Variants in C10orf88 observed in about 807,000 individuals in gnomAD.
The protein encoded by C10orf88 is chromosome 10 open reading frame 88.
A neutral mutation model predicts 34.2 loss-of-function variants in C10orf88; 29 were observed. That is an observed-to-expected ratio of 0.85 (90% confidence interval 0.63 to 1.16). C10orf88 has a LOEUF of 1.16. Among genes scored for constraint, C10orf88 ranks in the 50% most tolerant of loss-of-function variants. The pLI is 0.00. For missense variants in C10orf88, 507 were observed against 533.2 expected, an observed-to-expected ratio of 0.95 and a Z score of 0.48; for synonymous variants, 194 against 197.4, an observed-to-expected ratio of 0.98 and a Z score of 0.15.
At position 122,934,291 on chromosome 10, in the gene C10orf88, C is replaced by CT. The variant is rs374326912; in HGVS notation, c.1104-1631dup. On this transcript the variant is annotated intron_variant, in intron 5 of 5. Transcript: ENST00000481909. ...ACCATAATCAAAAGGCAGAACCATT[C>CT]TTTAACTGCAATGATCTCCTCCCTG... is the stretch of plus-strand genomic sequence containing the variant. Among the ~76,000 whole-genome samples the CT allele has an allele frequency of 2.8e-3, 430 of 152,284 alleles. 2 individuals are homozygous for CT. Among genetic ancestry groups the CT allele is most frequent in the African/African-American group, 9.7e-3 (404 of 41,572 alleles).
chr10:122,946,453 C>T (rs868551634), intron 4 of C10orf88, among the ~76,000 whole-genome samples: 2 of 152,084 alleles, frequency 1.3e-5, no homozygotes, highest in Admixed American at 6.6e-5. Context: ...ACGTAGTAGG[C>T]TATATGATCT....
intron 3 of C10orf88, among the ~76,000 whole-genome samples, chr10:122,950,045 A>G (rs893770728): frequency 3.3e-5 from 5 of 152,216 alleles, no homozygotes; most frequent in Non-Finnish European, 7.3e-5. Context: ...CATATTTCTG[A>G]AACGAGACAT....
intron 4 of C10orf88, among the ~76,000 whole-genome samples, chr10:122,940,760 T>C (rs1848574168): frequency 6.6e-6 from 1 of 152,050 alleles, no homozygotes; most frequent in African/African-American, 2.4e-5. Context: ...TTAAAAATTT[T>C]GAAGAAACTT....
intron 4 of C10orf88, among the ~76,000 whole-genome samples, chr10:122,944,465 T>C (rs560483224): frequency 4.6e-5 from 7 of 152,004 alleles, no homozygotes; most frequent in Admixed American, 1.3e-4. Context: ...GCATGGCACA[T>C]GTATACATAT....
In C10orf88 at chr10:122,948,728, T is replaced by C. The variant is rs1305469362; in HGVS notation, c.569A>G (p.Gln190Arg). Residue 190 changes from glutamine (Q) to arginine (R), a missense_variant, in exon 4 of 6, where the codon CAA becomes CGA. Transcript: ENST00000481909. ...LGSRIDLDKV[Q>R]TIMESMGSKL... is the part of the protein sequence containing the mutation. ...TGACCCCATGGACTCCATTATGGTT[T>C]GGACCTTGTCAAGGTCTATCCTTGA... is the stretch of plus-strand genomic sequence containing the variant. 6.2e-7 allele frequency: 1 copy of C among 1,614,038 alleles called. No individual in the cohort carries two copies. The highest frequency in any genetic ancestry group is 1.7e-5 in the Admixed American group (1 of 60,004).
At chr10:122,952,747 G>T in intron 2 of C10orf88, 82 bp downstream of exon 2, 1 of 1,521,430 alleles carries the variant, frequency 6.6e-7, no homozygotes, top group East Asian at 2.3e-5. Flanking sequence ...ATCAATATCA[G>T]AGAATCAATA....
intron 4 of C10orf88, among the ~76,000 whole-genome samples, chr10:122,938,549 A>G (rs1350470122): frequency 6.6e-6 from 1 of 152,076 alleles, no homozygotes. Context: ...CTGAGTCACA[A>G]GAACCGGTAA....
intron 5 of C10orf88, among the ~76,000 whole-genome samples, chr10:122,935,682 G>A (rs1848528512): frequency 6.6e-6 from 1 of 151,570 alleles, no homozygotes; most frequent in African/African-American, 2.4e-5. Context: ...TTTTTCATAG[G>A]AATTACATTA....
intron 4 of C10orf88, among the ~76,000 whole-genome samples, chr10:122,938,705 A>G (rs1432480847): frequency 6.6e-6 from 1 of 152,002 alleles, no homozygotes; most frequent in Non-Finnish European, 1.5e-5. Context: ...CTATGGGTAC[A>G]TTTGTGACAT....
At chr10:122,937,643 T>C in intron 5 of C10orf88, 62 bp downstream of exon 5, 2 of 1,395,074 alleles carry the variant, frequency 1.4e-6, no homozygotes, top group Middle Eastern at 3.7e-4. Flanking sequence ...CAAATCTGTT[T>C]CCTTTCATCT....
chr10:122,948,315 C>G (rs1371109362), intron 4 of C10orf88, among the ~76,000 whole-genome samples: 1 of 152,098 alleles, frequency 6.6e-6, no homozygotes, highest in Non-Finnish European at 1.5e-5. Context: ...GTGTTTTCAT[C>G]ATTCCCCACT....
intron 4 of C10orf88, among the ~76,000 whole-genome samples, chr10:122,940,924 T>C (rs1848575309): frequency 6.6e-6 from 1 of 152,070 alleles, no homozygotes; most frequent in African/African-American, 2.4e-5. Context: ...AAGATATGTG[T>C]ATGTGTATAT....
chr10:122,953,900 G>T, intron 1 of C10orf88, 115 bp downstream of exon 1: 2 of 979,262 alleles, frequency 2.0e-6, no homozygotes, highest in Non-Finnish European at 2.6e-6. Flanking sequence ...TAGAGACCTG[G>T]TACCAACTGC....
chr10:122,951,562 A>T (rs1031522743), intron 3 of C10orf88, among the ~76,000 whole-genome samples: 6 of 141,524 alleles, frequency 4.2e-5, no homozygotes, highest in Admixed American at 7.1e-5. Context: ...TGAAAAATTT[A>T]AAAAAAAAAA....
At chr10:122,933,826 A>G (rs1314609588) in intron 5 of C10orf88, among the ~76,000 whole-genome samples, 1 of 152,242 alleles carries the variant, frequency 6.6e-6, no homozygotes, top group African/African-American at 2.4e-5. Flanking sequence ...GCCAAAAGCT[A>G]TTATGTATAG....
chr10:122,935,413 C>A (rs1307219165), intron 5 of C10orf88, among the ~76,000 whole-genome samples: 1 of 151,906 alleles, frequency 6.6e-6, no homozygotes, highest in African/African-American at 2.4e-5. Flanking sequence ...ACAATTCTAC[C>A]TGTATTGAAT....
intron 4 of C10orf88, among the ~76,000 whole-genome samples, chr10:122,942,468 T>C (rs967754388): frequency 4.6e-5 from 7 of 152,154 alleles, no homozygotes; most frequent in East Asian, 1.9e-4. Flanking sequence ...TGGCACAAGA[T>C]AGGGATGCCC....
intron 4 of C10orf88, among the ~76,000 whole-genome samples, chr10:122,946,670 G>C (rs1848643791): frequency 6.6e-6 from 1 of 152,138 alleles, no homozygotes; most frequent in African/African-American, 2.4e-5. Flanking sequence ...CAACAAAGTG[G>C]TCAAAAGGGC....
Position 122,954,081 on chromosome 10 carries a change from A to G in C10orf88, c.98T>C (p.Leu33Pro). Residue 33 changes from leucine (L) to proline (P), a missense_variant, in exon 1 of 6, where the codon CTC becomes CCC. By Grantham distance (98) the Leu-to-Pro change is moderately conservative (BLOSUM62 -3). Coordinates refer to ENST00000481909, the MANE Select transcript of C10orf88 (RefSeq NM_024942.4). Reference protein sequence around the residue: ...AGGALTHSLLLTRAGLGPGDF... With the variant: ...AGGALTHSLLPTRAGLGPGDF... ...ACCGGGGCCGAGACCGGCCCGGGTG[A>G]GGAGGAGGCTGTGGGTCAGGGCCCC... is the stretch of plus-strand genomic sequence containing the variant. The G allele has an allele frequency of 6.4e-7, 1 of 1,567,680 alleles. No individual in the cohort carries two copies.
Sources: allele counts gnomAD v4.1 joint callset (sites outside exome capture counted in the v4.1 genomes callset), GRCh38; gene constraint gnomAD v4.1.1; transcripts MANE v1.5; gene names NCBI Gene and HGNC (gene_info 2026-07-23, HGNC 2026-07-21).